ZNF277: variants seen among roughly 807,000 people sequenced by gnomAD.
ZNF277 encodes nuclear receptor-interacting factor 4.
A neutral mutation model predicts 60.7 loss-of-function variants in ZNF277; 55 were observed. The observed-to-expected ratio is 0.91, with a 90% CI of 0.73 to 1.13. The LOEUF (loss-of-function observed/expected upper bound fraction) is 1.13, where lower values mean the gene tolerates loss of function less well. ZNF277 is among the 50% of genes most tolerant of loss of function. The pLI, the probability that ZNF277 is intolerant of heterozygous loss-of-function variation, is 0.00. For missense variants in ZNF277, 510 were observed against 523.0 expected, an observed-to-expected ratio of 0.98 and a Z score of 0.24; for synonymous variants, 178 against 179.3, an observed-to-expected ratio of 0.99 and a Z score of 0.06.
At chr7:112,301,027 T>C (rs1312653339) in intron 4 of ZNF277, among the ~76,000 whole-genome samples, 4 of 152,150 alleles carry the variant, frequency 2.6e-5, no homozygotes, top group Non-Finnish European at 5.9e-5. Context: ...TTAATGTTAC[T>C]ATTAATTGAT....
intron 10 of ZNF277, 27 bp downstream of exon 10, chr7:112,339,912 T>C (rs1380475500): frequency 6.2e-7 from 1 of 1,603,640 alleles, no homozygotes; most frequent in Non-Finnish European, 8.5e-7. Context: ...GGTTTTTTTC[T>C]GTGATGCTTC....
chr7:112,330,454 C>G, intron 7 of ZNF277: 2 of 380,300 alleles, frequency 5.3e-6, no homozygotes, highest in Non-Finnish European at 4.6e-6. Context: ...TCACAGTCAT[C>G]TTGACCAAAA....
chr7:112,213,149 G>A (rs1376612260), intron 1 of ZNF277, among the ~76,000 whole-genome samples: 3 of 152,160 alleles, frequency 2.0e-5, no homozygotes, highest in Admixed American at 2.0e-4. Context: ...TAAGTCTCAT[G>A]AGATCTGATG....
At position 112,339,881 on chromosome 7, in the gene ZNF277, A is replaced by G. The variant is rs144221151; in HGVS notation, c.1005A>G (p.Glu335=). Residue 335 remains glutamate, a synonymous_variant, in exon 10 of 12, where the codon GAA becomes GAG. Coordinates refer to ENST00000361822, the MANE Select transcript of ZNF277 (RefSeq NM_021994.3). The part of the protein sequence containing the change: ...HEFDLLKIKS[E]LGLNFYQQVK... ...TTGATCTTCTCAAAATAAAGTCAGA[A>G]CTTGGTAAGTTTGATTCAGAGGTTT... 1.2e-5 allele frequency: 20 copies of G among 1,610,162 alleles called. No individual in the cohort carries two copies. Among genetic ancestry groups the G allele is most frequent in the Non-Finnish European group, 1.6e-5 (19 of 1,179,892 alleles).
At chr7:112,274,923 A>G (rs539410085) in intron 1 of ZNF277, among the ~76,000 whole-genome samples, 4 of 152,190 alleles carry the variant, frequency 2.6e-5, no homozygotes, top group Non-Finnish European at 5.9e-5. Context: ...CTCTTCCTCT[A>G]TAGAACCAAA....
chr7:112,220,608 T>C (rs769407168), intron 1 of ZNF277, among the ~76,000 whole-genome samples: 1 of 152,170 alleles, frequency 6.6e-6, no homozygotes, highest in African/African-American at 2.4e-5. Context: ...GAGAAAAAAC[T>C]TTTAACTTTT....
intron 7 of ZNF277, among the ~76,000 whole-genome samples, chr7:112,331,870 T>G (rs1793234926): frequency 6.6e-6 from 1 of 152,224 alleles, no homozygotes; most frequent in Non-Finnish European, 1.5e-5. Flanking sequence ...TCTGGGGCTC[T>G]TTTAAAACTA....
intron 4 of ZNF277, among the ~76,000 whole-genome samples, chr7:112,313,803 A>G (rs1298761957): frequency 6.6e-6 from 1 of 152,164 alleles, no homozygotes; most frequent in Non-Finnish European, 1.5e-5. Context: ...AGTGCCAACC[A>G]TATGTCAGTA....
rs1271176710 is a variant in ZNF277 at position 112,262,193 on chromosome 7, C to T, written c.92-24680C>T. Among the ~76,000 whole-genome samples the T allele has an allele frequency of 5.4e-5, 8 of 147,830 alleles. No individual in the cohort carries two copies. The East Asian group carries it at 1.2e-3, about 22-fold the overall frequency. ...CTAGTTTCGCAGCCTCAATAGATTTCGTCTTTCTTCATGCCCTATCTTCCA... is the reference window on the plus strand; with the variant it reads ...CTAGTTTCGCAGCCTCAATAGATTTTGTCTTTCTTCATGCCCTATCTTCCA... On this transcript the variant is annotated intron_variant, in intron 1 of 11. Coordinates refer to ENST00000361822, the MANE Select transcript of ZNF277 (RefSeq NM_021994.3).
At chr7:112,268,604 T>A (rs946615060) in intron 1 of ZNF277, among the ~76,000 whole-genome samples, 2 of 151,230 alleles carry the variant, frequency 1.3e-5, no homozygotes, top group Admixed American at 1.3e-4. Context: ...AAAAAGTGTA[T>A]AGATTATTGT....
chr7:112,327,603 C>T, intron 5 of ZNF277, 114 bp from the exon 6 acceptor site: 2 of 717,562 alleles, frequency 2.8e-6, no homozygotes, highest in Non-Finnish European at 4.8e-6. Context: ...TGTGTTAGTG[C>T]TTAGCACTTG....
chr7:112,210,496 G>A (rs1821714169), intron 1 of ZNF277, among the ~76,000 whole-genome samples: 1 of 143,580 alleles, frequency 7.0e-6, no homozygotes. Context: ...TTTTGAGACA[G>A]AGTCCTGCTC....
chr7:112,257,862 G>A (rs1404789255), intron 1 of ZNF277, among the ~76,000 whole-genome samples: 1 of 151,856 alleles, frequency 6.6e-6, no homozygotes, highest in Admixed American at 6.6e-5. Context: ...TGCCCAGGCT[G>A]GGGTGCAGTG....
intron 1 of ZNF277, among the ~76,000 whole-genome samples, chr7:112,215,658 A>G (rs117838466): frequency 3.3e-5 from 5 of 152,300 alleles, no homozygotes; most frequent in Non-Finnish European, 7.4e-5. Flanking sequence ...ACATGTGTTT[A>G]TTTTTAAAAG....
chr7:112,242,306 G>A lies in ZNF277; in HGVS notation c.91+35499G>A, dbSNP rs183737358. On this transcript the variant is annotated intron_variant, in intron 1 of 11. Coordinates refer to ENST00000361822, the MANE Select transcript of ZNF277 (RefSeq NM_021994.3). ...ACAAACCCACAGCCAGTGTTACATC[G>A]AACAGGAAAAAATTGACAGCATTCC... Among the ~76,000 whole-genome samples the A allele has an allele frequency of 2.7e-3, 405 of 151,890 alleles. 2 individuals carry two copies. The highest frequency in any genetic ancestry group is 9.1e-3 in the African/African-American group (376 of 41,462).
At chr7:112,232,282 G>A (rs192031113) in intron 1 of ZNF277, among the ~76,000 whole-genome samples, 33 of 152,148 alleles carry the variant, frequency 2.2e-4, no homozygotes, top group Non-Finnish European at 4.0e-4. Context: ...GTACCAACTA[G>A]ACAACCGAAG....
At chr7:112,246,500 C>T (rs2117002732) in intron 1 of ZNF277, among the ~76,000 whole-genome samples, 1 of 152,218 alleles carries the variant, frequency 6.6e-6, no homozygotes, top group East Asian at 1.9e-4. Context: ...CTAAGGGGAG[C>T]AGTCCAAAAG....
intron 9 of ZNF277, among the ~76,000 whole-genome samples, chr7:112,338,330 T>C (rs1793372802): frequency 6.6e-6 from 1 of 152,144 alleles, no homozygotes; most frequent in Admixed American, 6.6e-5. Flanking sequence ...TTTTATGTTA[T>C]AGTGAAGCTT....
At chr7:112,309,645 C>T (rs1404439992) in intron 4 of ZNF277, among the ~76,000 whole-genome samples, 1 of 151,846 alleles carries the variant, frequency 6.6e-6, no homozygotes, top group Non-Finnish European at 1.5e-5. Flanking sequence ...CACAATGACT[C>T]TGACACCAGT....
Sources: allele counts gnomAD v4.1 joint callset (sites outside exome capture counted in the v4.1 genomes callset), GRCh38; gene constraint gnomAD v4.1.1; transcripts MANE v1.5; gene names NCBI Gene and HGNC (gene_info 2026-07-23, HGNC 2026-07-21).